Variants in ACTR3C observed in about 807,000 individuals in gnomAD.
ACTR3C encodes the protein actin related protein 3C, also known as actin-related protein 3C.
ACTR3C carries 18 observed loss-of-function variants against 26.3 expected under a neutral mutation model. The ratio of observed to expected loss-of-function variants is 0.68; its 90% confidence interval spans 0.47 to 1.01. The LOEUF (loss-of-function observed/expected upper bound fraction) is 1.01. Ranked by LOEUF, ACTR3C falls within the 50% of genes least tolerant of loss-of-function variation. The pLI is 0.00. For missense variants in ACTR3C, 184 were observed against 250.7 expected, an observed-to-expected ratio of 0.73 and a Z score of 1.80; for synonymous variants, 55 against 94.5, an observed-to-expected ratio of 0.58 and a Z score of 2.42.
At chr7:149,984,505 C>T in the ACTR3C span, among the ~76,000 whole-genome samples, 10 of 151,056 alleles carry the variant, frequency 6.6e-5, no homozygotes, top group African/African-American at 9.8e-5. Context: ...TGCCTGGCCA[C>T]GTTTTATCTA....
chr7:150,103,734 T>C, the ACTR3C span, among the ~76,000 whole-genome samples: 1 of 151,994 alleles, frequency 6.6e-6, no homozygotes, highest in Non-Finnish European at 1.5e-5. Flanking sequence ...ATTTTAGTGA[T>C]ATTGCTATGG....
the ACTR3C span, among the ~76,000 whole-genome samples, chr7:150,079,592 A>C: frequency 3.9e-5 from 6 of 152,112 alleles, no homozygotes; most frequent in African/African-American, 1.2e-4. Flanking sequence ...GAATGATGCT[A>C]TTCCCTGGCA....
intron 6 of ACTR3C, among the ~76,000 whole-genome samples, chr7:150,255,434 C>A (rs1584844097): frequency 6.6e-6 from 1 of 151,892 alleles, no homozygotes; most frequent in East Asian, 1.9e-4. Context: ...ACCTTAGGTG[C>A]CCTCTGTGGG....
intron 1 of ACTR3C, among the ~76,000 whole-genome samples, chr7:150,315,683 T>C (rs1214449325): frequency 6.6e-6 from 1 of 152,182 alleles, no homozygotes; most frequent in African/African-American, 2.4e-5. Flanking sequence ...TTCCCCTCCC[T>C]GGGTCATTGT....
chr7:149,961,371 G>A, the ACTR3C span, among the ~76,000 whole-genome samples: 1 of 151,884 alleles, frequency 6.6e-6, no homozygotes. Flanking sequence ...GAAGTTTACA[G>A]ATAGGAAGTG....
chr7:150,036,525 T>C, the ACTR3C span, among the ~76,000 whole-genome samples: 9 of 145,590 alleles, frequency 6.2e-5, no homozygotes, highest in African/African-American at 1.2e-4. Context: ...TTGCTGTTGT[T>C]GGGATCCCCA....
At chr7:150,033,803 G>A in the ACTR3C span, among the ~76,000 whole-genome samples, 1 of 151,928 alleles carries the variant, frequency 6.6e-6, no homozygotes, top group African/African-American at 2.4e-5. Context: ...GCCAGGGGGG[G>A]AAGAGGGACT....
chr7:149,895,037 G>T, the ACTR3C span, among the ~76,000 whole-genome samples: 1 of 151,784 alleles, frequency 6.6e-6, no homozygotes, highest in Non-Finnish European at 1.5e-5. Context: ...TTTATAAACA[G>T]TGGAATACTA....
chr7:150,311,708 T>C (rs997397790), intron 1 of ACTR3C, among the ~76,000 whole-genome samples: 9 of 152,228 alleles, frequency 5.9e-5, no homozygotes, highest in South Asian at 2.1e-4. Context: ...AGTTTATTGA[T>C]GGCAGTTCCT....
chr7:150,256,946 C>A (rs1331287908), intron 6 of ACTR3C, among the ~76,000 whole-genome samples: 1 of 152,082 alleles, frequency 6.6e-6, no homozygotes, highest in Non-Finnish European at 1.5e-5. Flanking sequence ...TTAATAAACT[C>A]AAACCATATG....
At chr7:150,180,204 C>A in the ACTR3C span, among the ~76,000 whole-genome samples, 1 of 149,870 alleles carries the variant, frequency 6.7e-6, no homozygotes, top group Non-Finnish European at 1.5e-5. Flanking sequence ...ACTCGGGAGG[C>A]TGAGGCGGGA....
At chr7:150,276,825 G>GC (rs1834926958) in intron 6 of ACTR3C, among the ~76,000 whole-genome samples, 1 of 152,090 alleles carries the variant, frequency 6.6e-6, no homozygotes, top group South Asian at 2.1e-4. Context: ...ACTTAACAGG[G>GC]CCCCCTGGCT....
At chr7:150,031,074 T>C in the ACTR3C span, among the ~76,000 whole-genome samples, 3 of 151,908 alleles carry the variant, frequency 2.0e-5, no homozygotes, top group African/African-American at 7.3e-5. Flanking sequence ...CTGGCCAACA[T>C]AGTGAAACCC....
At chr7:149,954,655 T>C in the ACTR3C span, among the ~76,000 whole-genome samples, 1 of 152,262 alleles carries the variant, frequency 6.6e-6, no homozygotes, top group African/African-American at 2.4e-5. Flanking sequence ...TGCCCACTTA[T>C]ATTCTCGCAT....
At chr7:150,087,921 A>G in the ACTR3C span, among the ~76,000 whole-genome samples, 1 of 152,242 alleles carries the variant, frequency 6.6e-6, no homozygotes, top group African/African-American at 2.4e-5. Context: ...ATAGACCAAG[A>G]GATGATGGTT....
the ACTR3C span, among the ~76,000 whole-genome samples, chr7:150,168,490 G>T: frequency 6.6e-6 from 1 of 150,704 alleles, no homozygotes; most frequent in Non-Finnish European, 1.5e-5. Flanking sequence ...TCTACATTAT[G>T]GTGAGTTGTA....
chr7:150,117,036 A>T, the ACTR3C span, among the ~76,000 whole-genome samples: 1 of 152,168 alleles, frequency 6.6e-6, no homozygotes. Context: ...GCCATGAGGG[A>T]CAATGCTATC....
chr7:149,967,477 CTA>C, the ACTR3C span, among the ~76,000 whole-genome samples: 1 of 152,102 alleles, frequency 6.6e-6, no homozygotes, highest in African/African-American at 2.4e-5. Context: ...TGGCCCATGT[CTA>C]TGTTTTCAAA....
the ACTR3C span, among the ~76,000 whole-genome samples, chr7:150,039,922 G>C: frequency 3.8e-4 from 51 of 134,450 alleles, no homozygotes; most frequent in East Asian, 6.6e-3. Context: ...CCTGCGATGA[G>C]GGTGCAAAGA....
Sources: gnomAD v4.1 joint callset for allele counts (sites outside exome capture counted in the v4.1 genomes callset) on GRCh38, gnomAD v4.1.1 for gene constraint, MANE v1.5 for transcripts, NCBI Gene and HGNC (gene_info 2026-07-23, HGNC 2026-07-21) for gene names.